CACNA2D3: variants seen among roughly 807,000 people sequenced by gnomAD.
CACNA2D3 encodes the protein voltage-dependent calcium channel subunit alpha-2/delta-3.
CACNA2D3 carries 60 observed loss-of-function variants against 160.6 expected under a neutral mutation model. The ratio of observed to expected loss-of-function variants is 0.37; its 90% CI spans 0.30 to 0.46. CACNA2D3 has a LOEUF of 0.46. Ranked by LOEUF, CACNA2D3 falls within the 20% of genes least tolerant of loss-of-function variation. The pLI is 1.00. For synonymous variants in CACNA2D3, 558 were observed against 492.9 expected, an observed-to-expected ratio of 1.13 and a Z score of -1.75; for missense variants, 1,205 against 1,365.0, an observed-to-expected ratio of 0.88 and a Z score of 1.85.
chr3:54,912,584 A>G (rs900479105), intron 27 of CACNA2D3, among the ~76,000 whole-genome samples: 6 of 152,006 alleles, frequency 3.9e-5, no homozygotes, highest in African/African-American at 7.2e-5. Flanking sequence ...CACTGGTTCC[A>G]TCATTTCCTT....
rs780889306 is a variant in CACNA2D3 at position 54,891,351 on chromosome 3, T to G, written c.2151-4T>G. On this transcript the variant is annotated splice_region_variant and splice_polypyrimidine_tract_variant and intron_variant, in intron 24 of 37. Coordinates refer to ENST00000474759, the MANE Select transcript of CACNA2D3 (RefSeq NM_018398.3). ...TCCCCCTGACGTCTGTTGTTCTGTT[T>G]CAGAAATTCTGACAAGGGCGTGGAG... is the stretch of plus-strand genomic sequence containing the variant. The G allele has an allele frequency of 5.6e-6, 9 of 1,612,378 alleles. No individual in the cohort carries two copies. Among genetic ancestry groups the G allele is most frequent in the Non-Finnish European group, 7.6e-6 (9 of 1,178,550 alleles).
At chr3:54,206,169 C>T (rs1453897637) in intron 2 of CACNA2D3, among the ~76,000 whole-genome samples, 1 of 152,128 alleles carries the variant, frequency 6.6e-6, no homozygotes, top group African/African-American at 2.4e-5. Flanking sequence ...GGAGTGGTCT[C>T]ATTCTCTTTT....
rs1218279610 is a variant in CACNA2D3 at position 54,973,917 on chromosome 3, T to C, written c.2556+4073T>C. 2.6e-5 allele frequency among the ~76,000 whole-genome samples: 4 copies of C among 152,186 alleles called. No individual in the cohort carries two copies. In the East Asian group the frequency reaches 7.7e-4, roughly 29 times the overall value. On this transcript the variant is annotated intron_variant, in intron 29 of 37. Transcript: ENST00000474759. ...AAAGTAGCAAGGAGTGGCACCTTCC[T>C]GTGCCTGATGTACAGAGATTCAGGC...
chr3:54,159,438 G>A (rs1208378640), intron 2 of CACNA2D3, among the ~76,000 whole-genome samples: 4 of 152,080 alleles, frequency 2.6e-5, no homozygotes, highest in Non-Finnish European at 5.9e-5. Context: ...AATAAGTGAT[G>A]CAGTTTAAGG....
At chr3:54,364,842 A>G (rs865984776) in intron 3 of CACNA2D3, among the ~76,000 whole-genome samples, 2 of 152,230 alleles carry the variant, frequency 1.3e-5, no homozygotes, top group Non-Finnish European at 2.9e-5. Context: ...ATAACCATCA[A>G]GTAAATAATC....
intron 4 of CACNA2D3, among the ~76,000 whole-genome samples, chr3:54,460,530 T>G (rs1227475585): frequency 3.9e-5 from 6 of 152,216 alleles, no homozygotes; most frequent in Admixed American, 1.3e-4. Flanking sequence ...TTATTCTCTT[T>G]GAAGCAATTG....
chr3:54,924,573 A>G (rs781534610), intron 27 of CACNA2D3: 4 of 1,439,352 alleles, frequency 2.8e-6, no homozygotes, highest in Non-Finnish European at 3.9e-6. Context: ...GATTCATCCT[A>G]GGCTGGTAAC....
intron 11 of CACNA2D3, among the ~76,000 whole-genome samples, chr3:54,703,038 G>A (rs888822627): frequency 2.0e-5 from 3 of 152,120 alleles, no homozygotes; most frequent in African/African-American, 7.2e-5. Flanking sequence ...GAGTACACAT[G>A]GACACAAAGA....
chr3:54,814,896 T>C (rs1703413199), intron 13 of CACNA2D3, among the ~76,000 whole-genome samples: 1 of 152,214 alleles, frequency 6.6e-6, no homozygotes, highest in Non-Finnish European at 1.5e-5. Context: ...CTTTGGTATT[T>C]ATTTTGCAGT....
At chr3:54,158,351 G>A (rs565503749) in intron 2 of CACNA2D3, among the ~76,000 whole-genome samples, 6 of 152,228 alleles carry the variant, frequency 3.9e-5, no homozygotes, top group East Asian at 1.9e-4. Context: ...TTTCAGCATC[G>A]ATTCTCTCTT....
chr3:54,763,715 GTACATATATACATATA>G lies in CACNA2D3; in HGVS notation c.1247-500_1247-485del, dbSNP rs751497727. The stretch of plus-strand genomic sequence containing the variant: ...TATATATGTATATATGTATATATAT[GTACATATATACATATA>G]TATGTGTATATATGTGCATATATAT... On this transcript the variant is annotated intron_variant, in intron 12 of 37. Coordinates refer to ENST00000474759, the MANE Select transcript of CACNA2D3 (RefSeq NM_018398.3). Among the ~76,000 whole-genome samples, 38 of 122,602 alleles carry G rather than the reference GTACATATATACATATA, an allele frequency of 3.1e-4. 1 individual carries two copies. Among genetic ancestry groups the G allele is most frequent in the Admixed American group, 1.0e-3 (12 of 11,988 alleles). The allele number at this position is 122,602 out of a possible 152,430, so 80.4% of individuals were successfully genotyped here. A position where few individuals can be genotyped will look rare whatever the true frequency, so the allele number is the denominator to read the frequency against.
intron 5 of CACNA2D3, among the ~76,000 whole-genome samples, chr3:54,514,535 C>T (rs1219234104): frequency 6.6e-6 from 1 of 152,132 alleles, no homozygotes; most frequent in African/African-American, 2.4e-5. Flanking sequence ...CAGACTCTGC[C>T]CATGCTCTCT....
chr3:54,308,423 C>A (rs1703656993), intron 2 of CACNA2D3, among the ~76,000 whole-genome samples: 1 of 152,150 alleles, frequency 6.6e-6, no homozygotes, highest in Non-Finnish European at 1.5e-5. Flanking sequence ...ACTTTCTCCA[C>A]TCCCTCTCCC....
chr3:54,981,561 G>C (rs2107096673), intron 29 of CACNA2D3, among the ~76,000 whole-genome samples: 1 of 152,232 alleles, frequency 6.6e-6, no homozygotes, highest in Admixed American at 6.5e-5. Context: ...GGGAGAGAGA[G>C]AAAAAGAGGC....
At chr3:54,298,026 A>G (rs1703379377) in intron 2 of CACNA2D3, among the ~76,000 whole-genome samples, 1 of 152,362 alleles carries the variant, frequency 6.6e-6, no homozygotes, top group African/African-American at 2.4e-5. Flanking sequence ...ATATTAAAAC[A>G]TGCCAAACTC....
At chr3:54,941,048 G>A (rs752578056) in intron 27 of CACNA2D3, among the ~76,000 whole-genome samples, 2 of 152,290 alleles carry the variant, frequency 1.3e-5, no homozygotes, top group Non-Finnish European at 2.9e-5. Flanking sequence ...CTTTTCTCCA[G>A]TGATTAAAGC....
chr3:54,329,281 A>G (rs1242741116), intron 3 of CACNA2D3, among the ~76,000 whole-genome samples: 1 of 152,086 alleles, frequency 6.6e-6, no homozygotes, highest in Admixed American at 6.5e-5. Flanking sequence ...AGTGCCTACT[A>G]CGGTGCTTCA....
intron 5 of CACNA2D3, among the ~76,000 whole-genome samples, chr3:54,509,759 C>A (rs1266715049): frequency 6.6e-6 from 1 of 152,144 alleles, no homozygotes; most frequent in Non-Finnish European, 1.5e-5. Context: ...CAGCTGTCAT[C>A]CCAAATTTAC....
intron 35 of CACNA2D3, among the ~76,000 whole-genome samples, chr3:55,025,634 CAAAAAAAAAAAAAA>C (rs10717273): frequency 4.7e-5 from 3 of 63,280 alleles, no homozygotes; most frequent in African/African-American, 6.2e-5. Flanking sequence ...ACTCTATCTC[CAAAAAAAAAAAAAA>C]AAAAAAAAAA....
Sources: allele counts gnomAD v4.1 joint callset (sites outside exome capture counted in the v4.1 genomes callset), GRCh38; gene constraint gnomAD v4.1.1; transcripts MANE v1.5; gene names NCBI Gene and HGNC (gene_info 2026-07-23, HGNC 2026-07-21).